The following CADPS variants were observed in gnomAD, a reference collection of about 807,000 sequenced individuals.
The protein encoded by CADPS is calcium-dependent secretion activator 1.
A neutral mutation model predicts 167.3 loss-of-function variants in CADPS; 57 were observed. That is an observed-to-expected ratio of 0.34 (90% CI 0.28 to 0.42). The LOEUF (loss-of-function observed/expected upper bound fraction) is 0.42. Among genes scored for constraint, CADPS ranks in the 20% least tolerant of loss-of-function variants. CADPS has a pLI of 1.00. For synonymous variants in CADPS, 676 were observed against 635.3 expected (o/e 1.06, Z -0.96); for missense variants, 1,414 against 1,738.1 (o/e 0.81, Z 3.32).
In CADPS at chr3:62,399,422, T is replaced by C; in HGVS notation, c.4046A>G (p.Asp1349Gly). The C allele has an allele frequency of 6.2e-7, 1 of 1,614,188 alleles. No homozygotes were observed. Among genetic ancestry groups the C allele is most frequent in the East Asian group, 2.2e-5 (1 of 44,888 alleles). Residue 1349 changes from aspartate (D) to glycine (G), a missense_variant, in exon 30 of 30, where the codon GAC (aspartate) becomes GGC (glycine). Transcript: ENST00000383710. This position sits in a 1 kb window ranked among gnomAD's most constrained non-coding sequence, Gnocchi z 5.6. ...CCAAATGGTCTAATCGTCTTCTTCG[T>C]CTTCCTCATCGCTGTCCTTCATGCT... ...GISMKDSDEE[D>G]EEDD
intron 3 of CADPS, among the ~76,000 whole-genome samples, chr3:62,726,561 T>C (rs184991253): frequency 6.6e-6 from 1 of 151,962 alleles, no homozygotes; most frequent in East Asian, 1.9e-4. Flanking sequence ...CATGGAATTA[T>C]CTCTACTAGG....
intron 6 of CADPS, among the ~76,000 whole-genome samples, chr3:62,612,795 C>T (rs1010289766): frequency 6.6e-6 from 1 of 152,164 alleles, no homozygotes; most frequent in Non-Finnish European, 1.5e-5. Context: ...CTGATTTAGC[C>T]TCCTTTGTTC....
At chr3:62,673,363 GT>G (rs2075862285) in intron 3 of CADPS, among the ~76,000 whole-genome samples, 1 of 152,168 alleles carries the variant, frequency 6.6e-6, no homozygotes, top group South Asian at 2.1e-4. Context: ...ATTAAATTCT[GT>G]TGAATGAGTA....
intron 13 of CADPS, among the ~76,000 whole-genome samples, chr3:62,526,519 G>A (rs1475634967): frequency 1.3e-5 from 2 of 152,158 alleles, no homozygotes; most frequent in African/African-American, 2.4e-5. Context: ...CTGTTTGATT[G>A]CCTTGTCACT....
chr3:62,498,253 T>C (rs2065142287), intron 18 of CADPS: 1 of 447,146 alleles, frequency 2.2e-6, no homozygotes, highest in Admixed American at 2.4e-5. Flanking sequence ...ATTTATGGCG[T>C]ATTATATATT....
chr3:62,830,763 T>A (rs888593360), intron 1 of CADPS, among the ~76,000 whole-genome samples: 2 of 152,172 alleles, frequency 1.3e-5, no homozygotes, highest in African/African-American at 4.8e-5. Context: ...TAAGACCTGA[T>A]ACGTTTTGTG....
chr3:62,706,026 A>T (rs528185629), intron 3 of CADPS, among the ~76,000 whole-genome samples: 1 of 152,152 alleles, frequency 6.6e-6, no homozygotes, highest in Admixed American at 6.5e-5. Context: ...CTGGCTTCTC[A>T]CCCACCCTCA....
In CADPS at chr3:62,558,929, A is replaced by G. The variant is rs190239252; in HGVS notation, c.1645-1416T>C. Among the ~76,000 whole-genome samples the G allele has an allele frequency of 2.6e-3, 402 of 152,178 alleles. 4 individuals carry two copies. The highest frequency in any genetic ancestry group is 9.3e-3 in the African/African-American group (386 of 41,514). On this transcript the variant is annotated intron_variant, in intron 9 of 29. Coordinates refer to ENST00000383710, the MANE Select transcript of CADPS (RefSeq NM_003716.4). Reference sequence around the variant, plus strand: ...TAATAAACAAAGTAATCAATAGCACACTCTTCTAAAATGGAAGGTTAAGAG... The same window carrying G: ...TAATAAACAAAGTAATCAATAGCACGCTCTTCTAAAATGGAAGGTTAAGAG...
Position 62,600,462 on chromosome 3 carries a change from CAT to C in CADPS, c.1326-7716_1326-7715del, listed in dbSNP as rs3080562. ...AAAGATGAAGGAATGTGTATTGGGA[CAT>C]GTGTGTCTATTCCAAACCAAATACT... is the stretch of plus-strand genomic sequence containing the variant. On this transcript the variant is annotated intron_variant, in intron 6 of 29. Transcript: ENST00000383710. Among the ~76,000 whole-genome samples, 134 of 152,274 alleles carry C rather than the reference CAT, an allele frequency of 8.8e-4. 1 individual carries two copies. Among genetic ancestry groups the C allele is most frequent in the African/African-American group, 3.0e-3 (125 of 41,558 alleles).
chr3:62,547,835 T>A (rs566414932), intron 11 of CADPS, among the ~76,000 whole-genome samples: 1 of 152,226 alleles, frequency 6.6e-6, no homozygotes, highest in African/African-American at 2.4e-5. Context: ...GCAGCTTCCA[T>A]CACAGGTTTT....
chr3:62,749,604 TGATAA>T lies in CADPS; in HGVS notation c.888+3832_888+3836del, dbSNP rs2082248639. On this transcript the variant is annotated intron_variant, in intron 3 of 29. Coordinates refer to ENST00000383710, the MANE Select transcript of CADPS (RefSeq NM_003716.4). Reference sequence around the variant, plus strand: ...TTTCTGTATTCTTGCTACTGTGAGTTGATAAGAGTTGTGCAGAGCTGAGTGTAGTC... The same window carrying T: ...TTTCTGTATTCTTGCTACTGTGAGTTGAGTTGTGCAGAGCTGAGTGTAGTC... Among the ~76,000 whole-genome samples the T allele has an allele frequency of 2.0e-5, 3 of 152,156 alleles. No individual in the cohort carries two copies. In the South Asian group the frequency reaches 6.2e-4, roughly 32 times the overall value.
intron 1 of CADPS, among the ~76,000 whole-genome samples, chr3:62,794,379 T>C (rs758361250): frequency 6.6e-6 from 1 of 152,172 alleles, no homozygotes; most frequent in Non-Finnish European, 1.5e-5. Flanking sequence ...CTCCTCACAG[T>C]GGTCCACAGG....
chr3:62,868,536 T>C (rs541967417), intron 1 of CADPS, among the ~76,000 whole-genome samples: 1 of 152,236 alleles, frequency 6.6e-6, no homozygotes, highest in Non-Finnish European at 1.5e-5. Flanking sequence ...TTGATAGTTT[T>C]AAATGTTGAG....
In CADPS at chr3:62,522,957, A is replaced by C. The variant is rs17066513; in HGVS notation, c.2292-4707T>G. ...CTCCAGCCACAGCAGACTATATCGCATCTGACACGGCGGGCATCTCCGGAA... is the reference window on the plus strand; with the variant it reads ...CTCCAGCCACAGCAGACTATATCGCCTCTGACACGGCGGGCATCTCCGGAA... On this transcript the variant is annotated intron_variant, in intron 13 of 29. Coordinates refer to ENST00000383710, the MANE Select transcript of CADPS (RefSeq NM_003716.4). Among the ~76,000 whole-genome samples the C allele has an allele frequency of 5.8e-3, 880 of 152,314 alleles. 7 individuals carry two copies. The highest frequency in any genetic ancestry group is 0.019 in the African/African-American group (797 of 41,558).
chr3:62,559,979 T>A (rs2078865349), intron 9 of CADPS, among the ~76,000 whole-genome samples: 1 of 151,900 alleles, frequency 6.6e-6, no homozygotes, highest in Non-Finnish European at 1.5e-5. Context: ...TTTTTAATTT[T>A]TTTTTTTTTT....
At chr3:62,854,842 T>C (rs2079343248) in intron 1 of CADPS, among the ~76,000 whole-genome samples, 1 of 152,196 alleles carries the variant, frequency 6.6e-6, no homozygotes, top group Non-Finnish European at 1.5e-5. Context: ...TTTAAAAAGT[T>C]GACTGTCCTT....
At chr3:62,764,522 A>T (rs2086354006) in intron 2 of CADPS, among the ~76,000 whole-genome samples, 1 of 152,258 alleles carries the variant, frequency 6.6e-6, no homozygotes, top group South Asian at 2.1e-4. Flanking sequence ...CCCAGCGAAC[A>T]TCACAAAGAT....
intron 4 of CADPS, among the ~76,000 whole-genome samples, chr3:62,661,061 T>A (rs183159376): frequency 7.2e-5 from 11 of 152,314 alleles, no homozygotes; most frequent in Admixed American, 7.2e-4. Flanking sequence ...GCATTTAGCA[T>A]GCTAGACACA....
At chr3:62,831,865 T>C (rs572461220) in intron 1 of CADPS, among the ~76,000 whole-genome samples, 1 of 152,142 alleles carries the variant, frequency 6.6e-6, no homozygotes, top group Non-Finnish European at 1.5e-5. Flanking sequence ...CACCACGCAA[T>C]GTATTTGAAT....
Sources: allele counts gnomAD v4.1 joint callset (sites outside exome capture counted in the v4.1 genomes callset), GRCh38; gene constraint gnomAD v4.1.1; non-coding constraint Gnocchi (gnomAD v3.1); transcripts MANE v1.5; gene names NCBI Gene and HGNC (gene_info 2026-07-23, HGNC 2026-07-21).